DYNC2I1: variants seen among roughly 807,000 people sequenced by gnomAD.
DYNC2I1 encodes the protein dynein 2 intermediate chain 1, also known as cytoplasmic dynein 2 intermediate chain 1.
A neutral mutation model predicts 133.4 loss-of-function variants in DYNC2I1; 89 were observed. The observed-to-expected ratio is 0.67, with a 90% CI of 0.56 to 0.80. The LOEUF (loss-of-function observed/expected upper bound fraction) is 0.80. Ranked by LOEUF, DYNC2I1 falls within the 30% of genes least tolerant of loss-of-function variation. The probability of loss-of-function intolerance (pLI) is 0.00; values close to 1 mark genes in which losing one functional copy is unlikely to be tolerated. For missense variants in DYNC2I1, 1,291 were observed against 1,314.5 expected (o/e 0.98, Z 0.28); for synonymous variants, 504 against 484.3 (o/e 1.04, Z -0.54).
chr7:158,882,594 C>T (rs1301767052), intron 5 of DYNC2I1, among the ~76,000 whole-genome samples: 1 of 152,052 alleles, frequency 6.6e-6, no homozygotes, highest in Non-Finnish European at 1.5e-5. Context: ...AAAAAGAGAC[C>T]AGGCATGGTG....
chr7:158,916,827 C>T (rs33939435), intron 14 of DYNC2I1, among the ~76,000 whole-genome samples: 2 of 57,946 alleles, frequency 3.5e-5, no homozygotes, highest in South Asian at 1.1e-3. Context: ...AACGTCGACA[C>T]GCTGGTTGAC....
In DYNC2I1 at chr7:158,911,562, A is replaced by G. The variant is rs1423006013; in HGVS notation, c.1473A>G (p.Thr491=). ...TQALKQKMRS[T]KLLRLIDLDF... is the part of the protein sequence containing the mutation. ...ATTTATTTCAAAGGATGCGAAGTAC[A>G]AAACTGCTTCGGCTCATTGACTTAG... Residue 491 remains threonine, a synonymous_variant, in exon 12 of 25, where the codon ACA becomes ACG. Coordinates refer to ENST00000407559, the MANE Select transcript of DYNC2I1 (RefSeq NM_018051.5). 2 of 1,613,242 alleles carry G rather than the reference A, an allele frequency of 1.2e-6. No homozygotes were observed. Among genetic ancestry groups the G allele is most frequent in the Non-Finnish European group, 8.5e-7 (1 of 1,179,714 alleles).
chr7:158,945,639 C>G lies in DYNC2I1; in HGVS notation c.3061C>G (p.Leu1021Val). Reference protein sequence around the residue: ...PEKAGGSFLALVLARASGSID... With the variant: ...PEKAGGSFLAVVLARASGSID... ...GAAGGCTGGTGGCAGCTTCCTGGCC[C>G]TGGTGCTGGCCAGGGCGTCTGGCTC... The change falls in exon 25 of 25, where the codon CTG (leucine) becomes GTG (valine). Residue 1021 changes from leucine (L) to valine (V), a missense_variant. By Grantham distance (32) the Leu-to-Val change is conservative. Coordinates refer to ENST00000407559, the MANE Select transcript of DYNC2I1 (RefSeq NM_018051.5). The surrounding 1 kb of genome is among the most constrained non-coding windows in gnomAD (Gnocchi z 4.1). 6.2e-7 allele frequency: 1 copy of G among 1,611,886 alleles called. No homozygotes were observed. Among genetic ancestry groups the G allele is most frequent in the Non-Finnish European group, 8.5e-7 (1 of 1,179,190 alleles).
chr7:158,896,397 T>G (rs929295429), intron 8 of DYNC2I1, among the ~76,000 whole-genome samples: 37 of 152,230 alleles, frequency 2.4e-4, no homozygotes, highest in African/African-American at 8.9e-4. Context: ...CATTAATTGA[T>G]CCTTCAATGT....
At chr7:158,921,989 C>T (rs751017403) in intron 15 of DYNC2I1, among the ~76,000 whole-genome samples, 9 of 152,212 alleles carry the variant, frequency 5.9e-5, no homozygotes, top group Non-Finnish European at 1.0e-4. Flanking sequence ...CGTGGTGTTC[C>T]AGTGCTGAAG....
intron 11 of DYNC2I1, among the ~76,000 whole-genome samples, chr7:158,908,375 T>C (rs1160301673): frequency 6.6e-6 from 1 of 152,172 alleles, no homozygotes; most frequent in Non-Finnish European, 1.5e-5. Context: ...AATTAAAAAT[T>C]ACTGGAATGT....
intron 20 of DYNC2I1, among the ~76,000 whole-genome samples, chr7:158,929,135 G>T (rs1849932034): frequency 6.6e-6 from 1 of 152,208 alleles, no homozygotes; most frequent in South Asian, 2.1e-4. Flanking sequence ...CCATGTTCCA[G>T]CCTTGCCTTT....
chr7:158,857,991 A>G (rs1584924453), intron 1 of DYNC2I1, among the ~76,000 whole-genome samples: 1 of 151,850 alleles, frequency 6.6e-6, no homozygotes, highest in East Asian at 1.9e-4. Flanking sequence ...GGGTTTCTCC[A>G]TGTTGGTCAG....
chr7:158,867,742 C>T (rs1234555625), intron 1 of DYNC2I1, among the ~76,000 whole-genome samples: 1 of 152,132 alleles, frequency 6.6e-6, no homozygotes, highest in Non-Finnish European at 1.5e-5. Flanking sequence ...GCCGGCCTCT[C>T]CTGGGCCTCC....
chr7:158,848,949 A>G, the DYNC2I1 span, among the ~76,000 whole-genome samples: 1 of 152,144 alleles, frequency 6.6e-6, no homozygotes, highest in Admixed American at 6.6e-5. Flanking sequence ...GGTGGACCAA[A>G]GGGAACCCCT....
chr7:158,893,130 C>CT (rs1232148685), intron 8 of DYNC2I1, among the ~76,000 whole-genome samples: 3 of 152,068 alleles, frequency 2.0e-5, no homozygotes, highest in Admixed American at 1.3e-4. Flanking sequence ...CACTCTTGGT[C>CT]TTAAACATTC....
At chr7:158,839,737 G>A in the DYNC2I1 span, among the ~76,000 whole-genome samples, 752 of 152,040 alleles carry the variant, frequency 4.9e-3, 46 homozygotes, top group East Asian at 0.12. Flanking sequence ...GGAGAATGGC[G>A]TGAACCCGGG....
chr7:158,922,938 G>T (rs1429485386), intron 16 of DYNC2I1, among the ~76,000 whole-genome samples: 1 of 152,108 alleles, frequency 6.6e-6, no homozygotes, highest in Non-Finnish European at 1.5e-5. Flanking sequence ...CTGCGTGGAG[G>T]TTTCTTAGAC....
At chr7:158,868,804 C>A (rs920303056) in intron 1 of DYNC2I1, among the ~76,000 whole-genome samples, 107 of 152,258 alleles carry the variant, frequency 7.0e-4, no homozygotes, top group Non-Finnish European at 6.0e-4. Context: ...CTGAAAGCTG[C>A]TGAGCCTTGT....
In DYNC2I1 at chr7:158,869,904, T is replaced by C. The variant is rs1249416652; in HGVS notation, c.65T>C (p.Leu22Pro). 1 of 1,613,380 alleles carries C rather than the reference T, an allele frequency of 6.2e-7. No homozygotes were observed. The highest frequency in any genetic ancestry group is 8.5e-7 in the Non-Finnish European group (1 of 1,179,448). The change falls in exon 2 of 25, where the codon CTC (leucine) becomes CCC (proline). Residue 22 changes from leucine to proline, a missense_variant. Physicochemically the swap from Leu to Pro is moderately conservative, Grantham distance 98 (BLOSUM62 -3). Coordinates refer to ENST00000407559, the MANE Select transcript of DYNC2I1 (RefSeq NM_018051.5). ...TWKADDLRKH[L>P]WAIQSGGSKE... ...AAAGCAGATGACCTCAGAAAACATC[T>C]CTGGGTAATTATTGTAAAGATTTGG...
intron 3 of DYNC2I1, among the ~76,000 whole-genome samples, chr7:158,876,157 A>ATC (rs1220711763): frequency 3.9e-5 from 6 of 152,186 alleles, no homozygotes; most frequent in Admixed American, 2.0e-4. Context: ...TCTTAGGAGA[A>ATC]GGTGAAGGGA....
At chr7:158,873,919 G>T (rs1843103055) in intron 3 of DYNC2I1, among the ~76,000 whole-genome samples, 1 of 152,018 alleles carries the variant, frequency 6.6e-6, no homozygotes, top group African/African-American at 2.4e-5. Context: ...ACCACACCTG[G>T]CTAATTTTTT....
intron 1 of DYNC2I1, among the ~76,000 whole-genome samples, chr7:158,868,707 C>G (rs578211415): frequency 6.6e-6 from 1 of 152,310 alleles, no homozygotes; most frequent in East Asian, 1.9e-4. Flanking sequence ...TCCTCAGGGA[C>G]AGGCAGGCTT....
intron 5 of DYNC2I1, 24 bp downstream of exon 5, chr7:158,880,013 C>T (rs778117011): frequency 2.6e-6 from 4 of 1,556,064 alleles, no homozygotes; most frequent in South Asian, 2.5e-5. Flanking sequence ...TGCTTCGTTG[C>T]CTTAGCAGCC....
Sources: allele counts gnomAD v4.1 joint callset (sites outside exome capture counted in the v4.1 genomes callset), GRCh38; gene constraint gnomAD v4.1.1; non-coding constraint Gnocchi (gnomAD v3.1); transcripts MANE v1.5; gene names NCBI Gene and HGNC (gene_info 2026-07-23, HGNC 2026-07-21).